Variants in RYR2 observed in about 807,000 individuals in gnomAD.
RYR2 encodes ryanodine receptor 2.
Under a neutral mutation model 601.1 loss-of-function variants are expected in RYR2, and 227 were observed. The observed-to-expected ratio is 0.38, with a 90% CI of 0.34 to 0.42. RYR2 has a LOEUF of 0.42. Among genes scored for constraint, RYR2 ranks in the 10% least tolerant of loss-of-function variants. RYR2 has a pLI of 1.00. For missense variants in RYR2, 4,646 were observed against 6,156.5 expected (o/e 0.75, Z 8.21); for synonymous variants, 2,223 against 2,175.1 (o/e 1.02, Z -0.61).
intron 34 of RYR2, among the ~76,000 whole-genome samples, chr1:237,601,714 A>G (rs540139644): frequency 1.3e-5 from 2 of 152,342 alleles, no homozygotes; most frequent in Admixed American, 6.5e-5. Context: ...AATATCTACA[A>G]TGTGTCAATT....
intron 10 of RYR2, among the ~76,000 whole-genome samples, chr1:237,390,913 A>T (rs2149865686): frequency 6.6e-6 from 1 of 152,274 alleles, no homozygotes; most frequent in South Asian, 2.1e-4. Context: ...CCCTTTTTAT[A>T]GCATATTTAC....
intron 17 of RYR2, among the ~76,000 whole-genome samples, chr1:237,483,168 C>T (rs1034707490): frequency 2.8e-4 from 43 of 152,146 alleles, no homozygotes; most frequent in Non-Finnish European, 1.5e-4. Context: ...ATAGATATCT[C>T]CCCTGAATTC....
At chr1:237,074,857 G>C (rs1315043974) in intron 1 of RYR2, among the ~76,000 whole-genome samples, 1 of 152,206 alleles carries the variant, frequency 6.6e-6, no homozygotes, top group African/African-American at 2.4e-5. Flanking sequence ...TCCTGGGCAA[G>C]AGTTGATTTG....
intron 2 of RYR2, among the ~76,000 whole-genome samples, chr1:237,284,510 T>TATAA: frequency 7.0e-6 from 1 of 143,110 alleles, no homozygotes; most frequent in Non-Finnish European, 1.5e-5. Context: ...ATATAAAATA[T>TATAA]ATATAATATA....
At chr1:237,149,111 A>G (rs1364042991) in intron 1 of RYR2, among the ~76,000 whole-genome samples, 1 of 152,184 alleles carries the variant, frequency 6.6e-6, no homozygotes, top group African/African-American at 2.4e-5. Context: ...AGATAATTAT[A>G]CTTTGAAAAC....
chr1:237,551,165 CTA>C (rs1297181540), intron 27 of RYR2, among the ~76,000 whole-genome samples: 3 of 152,180 alleles, frequency 2.0e-5, no homozygotes, highest in Non-Finnish European at 4.4e-5. Context: ...CAATAACTAA[CTA>C]TGTGTTGAAC....
intron 63 of RYR2, 115 bp from the exon 64 acceptor site, chr1:237,698,850 T>G: frequency 1.7e-6 from 1 of 581,010 alleles, no homozygotes; most frequent in Non-Finnish European, 3.0e-6. Flanking sequence ...TAAAAAACCT[T>G]TTAAAATATT....
chr1:237,711,770 T>C lies in RYR2; in HGVS notation c.10256T>C (p.Phe3419Ser). The change falls in exon 71 of 105, where the codon TTC becomes TCC. Residue 3419 changes from phenylalanine (F) to serine (S), a missense_variant. Physicochemically the swap from Phe to Ser is radical, Grantham distance 155 (BLOSUM62 -2). Around this residue, in one of 17 missense-constraint regions of RYR2, gnomAD observed 1,497 missense variants for 1,842.6 expected, o/e 0.81. Transcript: ENST00000366574. ...AATTTCAAAAGAGAAGAGCAGAACT[T>C]CGTTGTACAGAATGAAATCAACAAT... ...SHNFKREEQNFVVQNEINNMS... is the reference protein window; with the variant it reads ...SHNFKREEQNSVVQNEINNMS... 6.3e-7 allele frequency: 1 copy of C among 1,588,094 alleles called. No homozygotes were observed. Among genetic ancestry groups the C allele is most frequent in the Non-Finnish European group, 8.6e-7 (1 of 1,159,190 alleles).
In RYR2 at chr1:237,497,867, A is replaced by AT. The variant is rs995901109; in HGVS notation, c.2203+1126dup. Among the ~76,000 whole-genome samples, 224 of 147,982 alleles carry AT rather than the reference A, an allele frequency of 1.5e-3. 2 individuals carry two copies. Among genetic ancestry groups the AT allele is most frequent in the Non-Finnish European group, 2.4e-3 (162 of 66,646 alleles). On this transcript the variant is annotated intron_variant, in intron 20 of 104. Transcript: ENST00000366574. ...TATTTTGATTTTTTGTGAATTTTTA[A>AT]TTTTTTTTTTTCGAGACAGAGTCTT...
chr1:237,295,830 G>C (rs1302725201), intron 2 of RYR2, among the ~76,000 whole-genome samples: 1 of 152,202 alleles, frequency 6.6e-6, no homozygotes, highest in Admixed American at 6.5e-5. Context: ...ACGCTATTTA[G>C]AGTGTTGATG....
chr1:237,377,566 A>G, intron 8 of RYR2, 131 bp downstream of exon 8: 1 of 594,898 alleles, frequency 1.7e-6, no homozygotes, highest in South Asian at 2.8e-5. Context: ...TCTCTATTAG[A>G]TTAATTATAA....
intron 10 of RYR2, among the ~76,000 whole-genome samples, chr1:237,409,345 T>C (rs1462841720): frequency 6.6e-6 from 1 of 152,100 alleles, no homozygotes; most frequent in Non-Finnish European, 1.5e-5. Context: ...CTATTCCTCA[T>C]TGGCTGAGAA....
intron 41 of RYR2, among the ~76,000 whole-genome samples, chr1:237,629,831 T>G (rs1042535313): frequency 2.0e-5 from 3 of 152,178 alleles, no homozygotes; most frequent in Non-Finnish European, 4.4e-5. Context: ...ACCTATTAAG[T>G]ATTTAAAATT....
chr1:237,426,528 A>G (rs1232873045), intron 12 of RYR2, among the ~76,000 whole-genome samples: 2 of 152,168 alleles, frequency 1.3e-5, no homozygotes, highest in Non-Finnish European at 2.9e-5. Flanking sequence ...AAAAAGTTCA[A>G]CCCACTAAAG....
At chr1:237,264,820 C>G (rs1042480549) in intron 1 of RYR2, among the ~76,000 whole-genome samples, 2 of 151,794 alleles carry the variant, frequency 1.3e-5, no homozygotes, top group Admixed American at 6.6e-5. Context: ...CTCAGCGTCC[C>G]AAGTAGCTGG....
chr1:237,250,243 C>T (rs1687310980), intron 1 of RYR2, among the ~76,000 whole-genome samples: 1 of 152,144 alleles, frequency 6.6e-6, no homozygotes, highest in Non-Finnish European at 1.5e-5. Context: ...TTGTCTTAGA[C>T]CTGTGTTAAC....
intron 29 of RYR2, among the ~76,000 whole-genome samples, chr1:237,581,089 T>C (rs1004351832): frequency 7.9e-5 from 12 of 152,232 alleles, no homozygotes; most frequent in African/African-American, 2.7e-4. Context: ...AACAGCCTTA[T>C]ATTATCAGTA....
intron 1 of RYR2, among the ~76,000 whole-genome samples, chr1:237,159,150 G>A (rs1011493869): frequency 3.9e-5 from 6 of 152,082 alleles, no homozygotes; most frequent in Admixed American, 3.3e-4. Flanking sequence ...AATTAGCTGC[G>A]CGTGGTGGTG....
At chr1:237,771,473 A>G (rs1189936878) in intron 85 of RYR2, among the ~76,000 whole-genome samples, 2 of 152,102 alleles carry the variant, frequency 1.3e-5, no homozygotes, top group Admixed American at 1.3e-4. Flanking sequence ...AGAGTAATAT[A>G]GAGTATCATT....
Sources: gnomAD v4.1 joint callset for allele counts (sites outside exome capture counted in the v4.1 genomes callset) on GRCh38, gnomAD v4.1.1 for gene constraint, gnomAD v4.1.1 regional missense constraint, MANE v1.5 for transcripts, NCBI Gene and HGNC (gene_info 2026-07-23, HGNC 2026-07-21) for gene names.